The following ZFPM2 variants were observed in gnomAD, a reference collection of about 807,000 sequenced individuals.
ZFPM2 encodes zinc finger protein, FOG family member 2.
ZFPM2 carries 20 observed loss-of-function variants against 98.6 expected under a neutral mutation model. The observed-to-expected ratio is 0.20, with a 90% CI of 0.14 to 0.29. The LOEUF (loss-of-function observed/expected upper bound fraction) is 0.29. Among genes scored for constraint, ZFPM2 ranks in the 10% least tolerant of loss-of-function variants. The probability of loss-of-function intolerance (pLI) is 1.00; values close to 1 mark genes in which losing one functional copy is unlikely to be tolerated. For missense variants in ZFPM2, 1,310 were observed against 1,388.6 expected (o/e 0.94, Z 0.90); for synonymous variants, 518 against 502.7 (o/e 1.03, Z -0.41).
In ZFPM2 at chr8:105,710,694, TGTGTGTGTATGTGTGTGTGGGGGG is replaced by T. The variant is rs1389927084; in HGVS notation, c.532+76342_532+76365del. On this transcript the variant is annotated intron_variant, in intron 5 of 7. Transcript: ENST00000407775. ...GTGTGTGTGTGTGTGTGTGTGTGTG[TGTGTGTGTATGTGTGTGTGGGGGG>T]GTGTATGTGTGTGCAGTGGTTATTA... 7.0e-3 allele frequency among the ~76,000 whole-genome samples: 1,060 copies of T among 151,194 alleles called. 13 individuals carry two copies. Among genetic ancestry groups the T allele is most frequent in the African/African-American group, 0.025 (1,022 of 41,142 alleles).
At chr8:105,790,408 G>A (rs879293606) in intron 6 of ZFPM2, among the ~76,000 whole-genome samples, 11 of 152,050 alleles carry the variant, frequency 7.2e-5, no homozygotes, top group African/African-American at 1.2e-4. Context: ...GTAGATATGC[G>A]GCATTATTTC....
intron 3 of ZFPM2, among the ~76,000 whole-genome samples, chr8:105,549,792 T>C (rs1814808165): frequency 6.6e-6 from 1 of 151,792 alleles, no homozygotes; most frequent in Admixed American, 6.6e-5. Context: ...TTTGTATTTT[T>C]TTTGTAGAGA....
intron 4 of ZFPM2, among the ~76,000 whole-genome samples, chr8:105,624,989 G>A (rs971771885): frequency 1.3e-5 from 2 of 152,130 alleles, no homozygotes; most frequent in Non-Finnish European, 2.9e-5. Flanking sequence ...TTTGTTAGCA[G>A]AAGTTCTCTG....
At chr8:105,773,611 T>C (rs181355631) in intron 5 of ZFPM2, among the ~76,000 whole-genome samples, 1 of 151,560 alleles carries the variant, frequency 6.6e-6, no homozygotes, top group Non-Finnish European at 1.5e-5. Flanking sequence ...TTAAATTTTC[T>C]AGTTTTATCT....
intron 3 of ZFPM2, among the ~76,000 whole-genome samples, chr8:105,521,464 T>G (rs1814059270): frequency 6.6e-6 from 1 of 152,074 alleles, no homozygotes; most frequent in Non-Finnish European, 1.5e-5. Context: ...TAATAAATTA[T>G]GTAAATATAA....
intron 3 of ZFPM2, among the ~76,000 whole-genome samples, chr8:105,506,793 C>G (rs920816634): frequency 6.6e-6 from 1 of 151,992 alleles, no homozygotes; most frequent in Non-Finnish European, 1.5e-5. Flanking sequence ...CAAGACCATC[C>G]TGGCTAACAC....
intron 5 of ZFPM2, among the ~76,000 whole-genome samples, chr8:105,680,475 T>C (rs960269205): frequency 1.3e-5 from 2 of 152,172 alleles, no homozygotes; most frequent in Non-Finnish European, 2.9e-5. Context: ...AATCTCCTCC[T>C]CCAAAGCACA....
intron 1 of ZFPM2, among the ~76,000 whole-genome samples, chr8:105,406,631 G>A (rs924580516): frequency 1.4e-4 from 22 of 151,934 alleles, no homozygotes; most frequent in African/African-American, 5.3e-4. Flanking sequence ...AAACAAATTG[G>A]TGTGTCCCAA....
rs1224022606 is a variant in ZFPM2, at chr8:105,696,561, A to G, written c.532+62204A>G. Among the ~76,000 whole-genome samples, 7 of 152,314 alleles carry G rather than the reference A, an allele frequency of 4.6e-5. No individual in the cohort carries two copies. The East Asian group carries it at 1.4e-3, about 29-fold the overall frequency. ...TTAAAAATTAGAGAGCTAATTATTTACGAGATAATATTTTTTCACCGAGGA... is the reference window on the plus strand; with the variant it reads ...TTAAAAATTAGAGAGCTAATTATTTGCGAGATAATATTTTTTCACCGAGGA... On this transcript the variant is annotated intron_variant, in intron 5 of 7. Transcript: ENST00000407775.
chr8:105,331,152 T>TTATA (rs1329534279), intron 1 of ZFPM2, among the ~76,000 whole-genome samples: 4 of 136,630 alleles, frequency 2.9e-5, no homozygotes, highest in African/African-American at 1.0e-4. Context: ...ATATTATATT[T>TTATA]TATATATATA....
intron 1 of ZFPM2, among the ~76,000 whole-genome samples, chr8:105,390,126 G>A (rs1200366417): frequency 6.6e-6 from 1 of 152,062 alleles, no homozygotes; most frequent in African/African-American, 2.4e-5. Flanking sequence ...TATAGTTTGT[G>A]CAGACTCCGT....
intron 5 of ZFPM2, among the ~76,000 whole-genome samples, chr8:105,725,390 A>T (rs1259542894): frequency 3.3e-5 from 5 of 151,718 alleles, no homozygotes; most frequent in Non-Finnish European, 5.9e-5. Context: ...AGAATAACGT[A>T]TTTTTTCTCT....
At chr8:105,539,940 A>G (rs1314183549) in intron 3 of ZFPM2, among the ~76,000 whole-genome samples, 1 of 152,190 alleles carries the variant, frequency 6.6e-6, no homozygotes, top group African/African-American at 2.4e-5. Context: ...AGAGCAGAAT[A>G]TATGCAGAGG....
intron 5 of ZFPM2, among the ~76,000 whole-genome samples, chr8:105,705,792 G>T (rs1811244478): frequency 6.6e-6 from 1 of 152,132 alleles, no homozygotes; most frequent in African/African-American, 2.4e-5. Context: ...AGGAATAGAA[G>T]AAGCGTCAAA....
At chr8:105,599,391 T>TAAAAAAAAAAA (rs71577982) in intron 4 of ZFPM2, among the ~76,000 whole-genome samples, 1 of 137,376 alleles carries the variant, frequency 7.3e-6, no homozygotes. Flanking sequence ...TTTTCGTCTT[T>TAAAAAAAAAAA]AAAAAAAAAA....
At chr8:105,517,093 ACACTT>A (rs1813940214) in intron 3 of ZFPM2, among the ~76,000 whole-genome samples, 1 of 152,210 alleles carries the variant, frequency 6.6e-6, no homozygotes, top group African/African-American at 2.4e-5. Context: ...ACCCTTCACT[ACACTT>A]CAGTAATTTA....
intron 5 of ZFPM2, among the ~76,000 whole-genome samples, chr8:105,722,639 T>C (rs1047496535): frequency 2.0e-5 from 3 of 151,842 alleles, no homozygotes; most frequent in African/African-American, 7.2e-5. Flanking sequence ...CACTTGCTAT[T>C]CATTTAGTGG....
chr8:105,746,778 C>T (rs1586235954), intron 5 of ZFPM2, among the ~76,000 whole-genome samples: 1 of 149,004 alleles, frequency 6.7e-6, no homozygotes, highest in African/African-American at 2.5e-5. Flanking sequence ...CTCTGTTTCT[C>T]TTGTTAAGGC....
chr8:105,385,184 C>G (rs1179924047), intron 1 of ZFPM2, among the ~76,000 whole-genome samples: 1 of 152,218 alleles, frequency 6.6e-6, no homozygotes, highest in Non-Finnish European at 1.5e-5. Context: ...CCATGTTTTA[C>G]ATGCCTCATG....
Sources: allele counts gnomAD v4.1 joint callset (sites outside exome capture counted in the v4.1 genomes callset), GRCh38; gene constraint gnomAD v4.1.1; transcripts MANE v1.5; gene names NCBI Gene and HGNC (gene_info 2026-07-23, HGNC 2026-07-21).